Variants in AKAP6 observed in about 807,000 individuals in gnomAD.
AKAP6 encodes A-kinase anchor protein 6.
Under a neutral mutation model 188.5 loss-of-function variants are expected in AKAP6, and 58 were observed. The observed-to-expected ratio is 0.31, with a 90% CI of 0.25 to 0.38. The LOEUF is 0.38. Ranked by LOEUF, AKAP6 falls within the 10% of genes least tolerant of loss-of-function variation. AKAP6 has a pLI of 1.00. For missense variants in AKAP6, 2,710 were observed against 2,740.0 expected, an observed-to-expected ratio of 0.99 and a Z score of 0.24; for synonymous variants, 989 against 998.6, an observed-to-expected ratio of 0.99 and a Z score of 0.18.
At chr14:32,380,726 C>CCA (rs1334702291) in intron 1 of AKAP6, among the ~76,000 whole-genome samples, 1 of 152,154 alleles carries the variant, frequency 6.6e-6, no homozygotes, top group African/African-American at 2.4e-5. Context: ...TGTACCACCT[C>CCA]CAGAATTATT....
intron 12 of AKAP6, among the ~76,000 whole-genome samples, chr14:32,817,906 T>C (rs1594979018): frequency 6.6e-6 from 1 of 152,276 alleles, no homozygotes; most frequent in Non-Finnish European, 1.5e-5. Flanking sequence ...TATATGCAAA[T>C]CTTTTTTTTC....
chr14:32,564,408 C>A (rs1376959130), intron 4 of AKAP6, among the ~76,000 whole-genome samples: 1 of 152,046 alleles, frequency 6.6e-6, no homozygotes, highest in African/African-American at 2.4e-5. Flanking sequence ...AAGGAAGGGC[C>A]TGTAATAGGT....
Position 32,824,573 on chromosome 14 carries a change from G to A in AKAP6, c.6760G>A (p.Glu2254Lys), listed in dbSNP as rs778246351. The A allele has an allele frequency of 1.1e-5, 18 of 1,613,800 alleles. No individual in the cohort carries two copies. The highest frequency in any genetic ancestry group is 3.3e-5 in the Admixed American group (2 of 59,890). ...FTPSKLDSEK[E>K]SSGKPGESGM... Reference sequence around the variant, plus strand: ...TCCTTCAAAGCTTGACAGTGAAAAGGAAAGTTCCGGAAAACCAGGTGAATC... The same window carrying A: ...TCCTTCAAAGCTTGACAGTGAAAAGAAAAGTTCCGGAAAACCAGGTGAATC... Residue 2254 changes from glutamate (E) to lysine (K), a missense_variant, in exon 13 of 14, where the codon GAA (glutamate) becomes AAA (lysine). Around this residue, in one of 2 missense-constraint regions of AKAP6, gnomAD observed 2,473 missense variants for 2,426.1 expected, o/e 1.02. Coordinates refer to ENST00000280979, the MANE Select transcript of AKAP6 (RefSeq NM_004274.5).
At chr14:32,504,688 A>C (rs1880776891) in intron 2 of AKAP6, among the ~76,000 whole-genome samples, 1 of 152,222 alleles carries the variant, frequency 6.6e-6, no homozygotes, top group Non-Finnish European at 1.5e-5. Context: ...ATCATCTTTG[A>C]ATAATGGTAG....
At chr14:32,492,647 T>TC (rs1156657557) in intron 2 of AKAP6, among the ~76,000 whole-genome samples, 1 of 151,604 alleles carries the variant, frequency 6.6e-6, no homozygotes, top group East Asian at 1.9e-4. Flanking sequence ...TACATGTTCC[T>TC]TTTTTTTCCC....
At chr14:32,751,498 C>CTTTTTTTTTTTTTT (rs71432082) in intron 11 of AKAP6, among the ~76,000 whole-genome samples, 1 of 122,548 alleles carries the variant, frequency 8.2e-6, no homozygotes, top group Non-Finnish European at 1.6e-5. Flanking sequence ...TCTCTTTTCA[C>CTTTTTTTTTTTTTT]TTTTTTTTTT....
intron 1 of AKAP6, among the ~76,000 whole-genome samples, chr14:32,408,692 GTC>G (rs1889376242): frequency 8.0e-6 from 1 of 124,916 alleles, no homozygotes; most frequent in South Asian, 2.6e-4. Context: ...CTTTGCTCTA[GTC>G]TAGAAATATC....
At chr14:32,619,547 C>A (rs915305448) in intron 7 of AKAP6, among the ~76,000 whole-genome samples, 1 of 151,970 alleles carries the variant, frequency 6.6e-6, no homozygotes, top group East Asian at 1.9e-4. Context: ...ACTTTTATAC[C>A]AGTACCATGC....
At chr14:32,503,072 C>T (rs1880684291) in intron 2 of AKAP6, among the ~76,000 whole-genome samples, 1 of 152,056 alleles carries the variant, frequency 6.6e-6, no homozygotes, top group African/African-American at 2.4e-5. Flanking sequence ...CTTAATAGTG[C>T]CTATTTCATG....
rs570850918 is a variant in AKAP6, at chr14:32,377,145, C to G, written c.-35+47737C>G. Among the ~76,000 whole-genome samples, 12 of 152,294 alleles carry G rather than the reference C, an allele frequency of 7.9e-5. No homozygotes were observed. The South Asian group carries it at 2.5e-3, about 32-fold the overall frequency. ...ATCACTTTTCCTAAGTGGTTCTGGT[C>G]TTGTCTTATAATTTAAAGTCGGACT... On this transcript the variant is annotated intron_variant, in intron 1 of 13. Transcript: ENST00000280979.
intron 9 of AKAP6, among the ~76,000 whole-genome samples, chr14:32,709,088 C>A (rs1890934158): frequency 6.6e-6 from 1 of 151,912 alleles, no homozygotes; most frequent in Non-Finnish European, 1.5e-5. Context: ...TCTTATAATC[C>A]AAGTTTTGAT....
At chr14:32,497,869 C>A (rs1480611251) in intron 2 of AKAP6, among the ~76,000 whole-genome samples, 3 of 152,008 alleles carry the variant, frequency 2.0e-5, no homozygotes, top group Non-Finnish European at 4.4e-5. Flanking sequence ...ATGAACTCAT[C>A]CCTTTATCAT....
intron 5 of AKAP6, among the ~76,000 whole-genome samples, chr14:32,594,391 A>G (rs1220699920): frequency 5.3e-5 from 8 of 152,136 alleles, no homozygotes; most frequent in Non-Finnish European, 2.9e-5. Context: ...GGCATGTTCT[A>G]TGTATTTTCC....
At chr14:32,718,875 C>A (rs1453760373) in intron 9 of AKAP6, among the ~76,000 whole-genome samples, 1 of 152,100 alleles carries the variant, frequency 6.6e-6, no homozygotes, top group African/African-American at 2.4e-5. Flanking sequence ...TTTCCAACAA[C>A]CTCCTACATT....
In AKAP6 at chr14:32,337,367, G is replaced by A. The variant is rs889766121; in HGVS notation, c.-35+7959G>A. Among the ~76,000 whole-genome samples the A allele has an allele frequency of 3.3e-5, 5 of 152,222 alleles. No homozygotes were observed. The South Asian group carries it at 8.3e-4, about 25-fold the overall frequency. On this transcript the variant is annotated intron_variant, in intron 1 of 13. Transcript: ENST00000280979. ...GGCTAGTAGGAGCACACAGCTTCTAGAACACTGTAGAGGAACACCTGCCTC... is the reference window on the plus strand; with the variant it reads ...GGCTAGTAGGAGCACACAGCTTCTAAAACACTGTAGAGGAACACCTGCCTC...
chr14:32,789,874 G>A (rs1310882001), intron 12 of AKAP6, among the ~76,000 whole-genome samples: 2 of 152,184 alleles, frequency 1.3e-5, no homozygotes, highest in African/African-American at 4.8e-5. Context: ...GGCTGAGATG[G>A]CTGAATTGAC....
At chr14:32,362,845 G>C (rs1024223127) in intron 1 of AKAP6, among the ~76,000 whole-genome samples, 6 of 152,256 alleles carry the variant, frequency 3.9e-5, no homozygotes, top group Non-Finnish European at 8.8e-5. Flanking sequence ...TGTGGGGAGG[G>C]CTGGAAGTGG....
chr14:32,395,117 A>G (rs1412779202), intron 1 of AKAP6, among the ~76,000 whole-genome samples: 1 of 152,054 alleles, frequency 6.6e-6, no homozygotes, highest in African/African-American at 2.4e-5. Flanking sequence ...TCCCATGTAT[A>G]CAATAATGGG....
chr14:32,833,023 T>C lies in AKAP6; in HGVS notation c.*3218T>C, dbSNP rs888515364. The C allele has an allele frequency of 6.6e-6, 1 of 152,616 alleles. No homozygotes were observed. Among genetic ancestry groups the C allele is most frequent in the Non-Finnish European group, 1.5e-5 (1 of 68,048 alleles). 9.5% of individuals were successfully genotyped at this position (152,616 alleles called of 1,614,324 possible). ...AAATATATTCAAGATATGTTTATTC[T>C]ATTATTGTAAATTTCAAACAATAAA... is the stretch of plus-strand genomic sequence containing the variant. On this transcript the variant is annotated 3_prime_UTR_variant, in exon 14 of 14. Transcript: ENST00000280979.
Sources: gnomAD v4.1 joint callset for allele counts (sites outside exome capture counted in the v4.1 genomes callset) on GRCh38, gnomAD v4.1.1 for gene constraint, gnomAD v4.1.1 regional missense constraint, MANE v1.5 for transcripts, NCBI Gene and HGNC (gene_info 2026-07-23, HGNC 2026-07-21) for gene names.